NBEA: variants seen among roughly 807,000 people sequenced by gnomAD.
NBEA encodes neurobeachin.
NBEA carries 44 observed loss-of-function variants against 343.4 expected under a neutral mutation model. The observed-to-expected ratio is 0.13, with a 90% confidence interval of 0.10 to 0.16. NBEA has a LOEUF of 0.16. Ranked by LOEUF, NBEA falls within the 10% of genes least tolerant of loss-of-function variation. The pLI, the probability that NBEA is intolerant of heterozygous loss-of-function variation, is 1.00. For synonymous variants in NBEA, 1,175 were observed against 1,238.7 expected, an observed-to-expected ratio of 0.95 and a Z score of 1.08; for missense variants, 2,555 against 3,631.3, an observed-to-expected ratio of 0.70 and a Z score of 7.62.
intron 45 of NBEA, among the ~76,000 whole-genome samples, chr13:35,571,664 AC>A (rs1453832536): frequency 1.3e-5 from 2 of 152,158 alleles, no homozygotes; most frequent in East Asian, 3.8e-4. Flanking sequence ...GGTATGATTG[AC>A]AAAAACCTAC....
At chr13:35,196,423 C>A in intron 31 of NBEA, 121 bp downstream of exon 31, 2 of 945,454 alleles carry the variant, frequency 2.1e-6, no homozygotes, top group Non-Finnish European at 3.0e-6. Flanking sequence ...ATTACAAAGA[C>A]AATCAAAATG....
At chr13:35,302,701 T>G (rs17813987) in intron 35 of NBEA, among the ~76,000 whole-genome samples, 5,360 of 152,306 alleles carry the variant, frequency 0.035, 142 homozygotes, top group Non-Finnish European at 0.054. Context: ...ATAAGGATTT[T>G]TTCTGTGTTT....
intron 48 of NBEA, among the ~76,000 whole-genome samples, chr13:35,608,824 A>ATT (rs11464690): frequency 1.3e-5 from 2 of 151,804 alleles, no homozygotes; most frequent in South Asian, 2.1e-4. Context: ...AAGGCACTTG[A>ATT]TTTTTTTTAA....
rs112911953 is a variant in NBEA at position 35,057,921 on chromosome 13, T to G, written c.1093-796T>G. On this transcript the variant is annotated intron_variant, in intron 7 of 58. Coordinates refer to ENST00000379939, the MANE Select transcript of NBEA (RefSeq NM_001385012.1). ...TTTGCCTTTGTTCTCCATTCACAATTTTTTTTGTTACTTTATTGCAGTACG... is the reference window on the plus strand; with the variant it reads ...TTTGCCTTTGTTCTCCATTCACAATGTTTTTTGTTACTTTATTGCAGTACG... Among the ~76,000 whole-genome samples, 897 of 152,266 alleles carry G rather than the reference T, an allele frequency of 5.9e-3. 4 individuals carry two copies. The highest frequency in any genetic ancestry group is 8.3e-3 in the Non-Finnish European group (567 of 68,016).
intron 5 of NBEA, among the ~76,000 whole-genome samples, chr13:35,049,992 G>T (rs760623901): frequency 4.6e-5 from 7 of 151,718 alleles, no homozygotes; most frequent in Non-Finnish European, 1.0e-4. Flanking sequence ...CTACTTGGTG[G>T]TAGGCTTTTG....
chr13:35,626,123 A>G (rs1412331346), intron 48 of NBEA, among the ~76,000 whole-genome samples: 1 of 152,224 alleles, frequency 6.6e-6, no homozygotes, highest in African/African-American at 2.4e-5. Flanking sequence ...AGATTTTTAA[A>G]ATAATACTAA....
chr13:35,028,061 A>G (rs921903567), intron 1 of NBEA, among the ~76,000 whole-genome samples: 1 of 151,918 alleles, frequency 6.6e-6, no homozygotes, highest in Non-Finnish European at 1.5e-5. Context: ...CCAGTGCTAC[A>G]GGGTCTTGAA....
rs113148599 is a variant in NBEA, at chr13:35,000,751, A to G, written c.295-40182A>G. Among the ~76,000 whole-genome samples the G allele has an allele frequency of 8.7e-3, 1,323 of 152,136 alleles. 20 individuals are homozygous for G. The highest frequency in any genetic ancestry group is 0.03 in the African/African-American group (1,247 of 41,532). On this transcript the variant is annotated intron_variant, in intron 1 of 58. Transcript: ENST00000379939. Reference sequence around the variant, plus strand: ...GGAAAATTTTGCTTTATCTTTATAGATAAATGCTTTTACATTAAAAATGCC... The same window carrying G: ...GGAAAATTTTGCTTTATCTTTATAGGTAAATGCTTTTACATTAAAAATGCC...
intron 38 of NBEA, among the ~76,000 whole-genome samples, chr13:35,384,207 A>T (rs975775314): frequency 1.3e-5 from 2 of 152,238 alleles, no homozygotes. Flanking sequence ...TGCTAATATT[A>T]TATCAGTGTT....
At chr13:35,015,144 CA>C (rs1294052204) in intron 1 of NBEA, among the ~76,000 whole-genome samples, 5 of 108,806 alleles carry the variant, frequency 4.6e-5, no homozygotes, top group East Asian at 2.7e-4. Context: ...AAAAAACAAA[CA>C]AAAAAAAAAA....
At chr13:35,116,525 T>C (rs1268714950) in intron 13 of NBEA, among the ~76,000 whole-genome samples, 2 of 152,178 alleles carry the variant, frequency 1.3e-5, no homozygotes, top group African/African-American at 4.8e-5. Flanking sequence ...AAGATATTTC[T>C]TTTATTATAA....
intron 38 of NBEA, among the ~76,000 whole-genome samples, chr13:35,405,707 G>A (rs1183751361): frequency 1.3e-5 from 2 of 152,062 alleles, no homozygotes; most frequent in African/African-American, 2.4e-5. Flanking sequence ...GTCCTTTTCT[G>A]TGGGATTTCT....
intron 35 of NBEA, among the ~76,000 whole-genome samples, chr13:35,297,539 A>G (rs1047417568): frequency 1.3e-5 from 2 of 152,048 alleles, no homozygotes; most frequent in Admixed American, 6.6e-5. Flanking sequence ...TTAAAATCAT[A>G]CATTGTTTAT....
chr13:35,133,795 C>T (rs978599368), intron 17 of NBEA, among the ~76,000 whole-genome samples: 1 of 151,672 alleles, frequency 6.6e-6, no homozygotes, highest in Non-Finnish European at 1.5e-5. Context: ...AGTATAAAGA[C>T]GTACATGGGA....
intron 47 of NBEA, among the ~76,000 whole-genome samples, chr13:35,601,959 A>G (rs538941619): frequency 8.5e-5 from 13 of 152,232 alleles, no homozygotes; most frequent in Non-Finnish European, 1.5e-4. Context: ...ATGTCTATAA[A>G]GCGGGAATAA....
At chr13:35,348,919 G>T (rs1254513321) in intron 36 of NBEA, among the ~76,000 whole-genome samples, 189 bp from the exon 37 acceptor site, 4 of 151,956 alleles carry the variant, frequency 2.6e-5, no homozygotes, top group African/African-American at 9.7e-5. Flanking sequence ...AGAGGAATTG[G>T]TGCAACAGTT....
At chr13:35,039,844 A>T (rs1367888416) in intron 1 of NBEA, among the ~76,000 whole-genome samples, 1 of 151,726 alleles carries the variant, frequency 6.6e-6, no homozygotes, top group Non-Finnish European at 1.5e-5. Context: ...TTTCTCATCT[A>T]CTCATATTTT....
chr13:35,409,734 G>A (rs931794038), intron 38 of NBEA, among the ~76,000 whole-genome samples: 1 of 152,118 alleles, frequency 6.6e-6, no homozygotes, highest in East Asian at 1.9e-4. Context: ...CAATACAGGG[G>A]AAAAGGAAGG....
chr13:35,610,182 A>G (rs2082444260), intron 48 of NBEA, among the ~76,000 whole-genome samples: 1 of 152,246 alleles, frequency 6.6e-6, no homozygotes, highest in African/African-American at 2.4e-5. Flanking sequence ...ATTAATAGAC[A>G]TGGCAAAACA....
Sources: gnomAD v4.1 joint callset for allele counts (sites outside exome capture counted in the v4.1 genomes callset) on GRCh38, gnomAD v4.1.1 for gene constraint, MANE v1.5 for transcripts, NCBI Gene and HGNC (gene_info 2026-07-23, HGNC 2026-07-21) for gene names.